Variants in RNF11 observed in about 807,000 individuals in gnomAD.
The protein encoded by RNF11 is ring finger protein 11.
RNF11 carries 4 observed loss-of-function variants against 15.8 expected under a neutral mutation model. The observed-to-expected ratio is 0.25, with a 90% CI of 0.12 to 0.58. RNF11 has a LOEUF of 0.58. Ranked by LOEUF, RNF11 falls within the 20% of genes least tolerant of loss-of-function variation. The pLI is 0.91. For synonymous variants in RNF11, 68 were observed against 72.3 expected (o/e 0.94, Z 0.30); for missense variants, 139 against 194.4 (o/e 0.71, Z 1.70).
chr1:51,237,691 G>A (rs930286257), intron 1 of RNF11, among the ~76,000 whole-genome samples: 6 of 152,172 alleles, frequency 3.9e-5, no homozygotes, highest in African/African-American at 1.4e-4. Context: ...CAGAATTCGA[G>A]TGAAGACCTC....
At chr1:51,249,488 C>T (rs900144383) in intron 1 of RNF11, among the ~76,000 whole-genome samples, 7 of 152,152 alleles carry the variant, frequency 4.6e-5, no homozygotes, top group African/African-American at 1.7e-4. Flanking sequence ...TCCCTCCTGC[C>T]CCCTCCAACA....
At chr1:51,253,498 G>A (rs902942636) in intron 1 of RNF11, among the ~76,000 whole-genome samples, 60 of 150,674 alleles carry the variant, frequency 4.0e-4, no homozygotes, top group African/African-American at 1.4e-3. Context: ...ACTCCAGCCT[G>A]GGCAACCTCA....
chr1:51,247,081 A>G (rs960641906), intron 1 of RNF11, among the ~76,000 whole-genome samples: 4 of 152,166 alleles, frequency 2.6e-5, no homozygotes, highest in East Asian at 1.9e-4. Flanking sequence ...TATTTTTAAC[A>G]TGCTCAGAGT....
At chr1:51,246,467 G>A (rs752132852) in intron 1 of RNF11, among the ~76,000 whole-genome samples, 6 of 152,158 alleles carry the variant, frequency 3.9e-5, no homozygotes, top group Non-Finnish European at 8.8e-5. Context: ...CCCAGCTATA[G>A]GCTGAGGCAG....
At chr1:51,241,551 A>ATT (rs1359427832) in intron 1 of RNF11, among the ~76,000 whole-genome samples, 7 of 152,230 alleles carry the variant, frequency 4.6e-5, no homozygotes, top group South Asian at 2.1e-4. Context: ...CCGTGTATAT[A>ATT]TATCACCGCA....
intron 1 of RNF11, among the ~76,000 whole-genome samples, chr1:51,252,997 T>G (rs1646887926): frequency 1.3e-5 from 2 of 151,962 alleles, no homozygotes; most frequent in Admixed American, 1.3e-4. Flanking sequence ...CTAATTTTTT[T>G]GTAGTTTTAG....
At chr1:51,270,942 C>G (rs1331666045) in intron 2 of RNF11, among the ~76,000 whole-genome samples, 2 of 152,144 alleles carry the variant, frequency 1.3e-5, no homozygotes, top group African/African-American at 2.4e-5. Flanking sequence ...GCTCCTAAGT[C>G]CTGCAAATTC....
rs201435318 is a variant in RNF11, at chr1:51,236,730, C to T, written c.-27C>T. On this transcript the variant is annotated 5_prime_UTR_variant, in exon 1 of 3. Transcript: ENST00000242719. Reference sequence around the variant, plus strand: ...GACCCCACCGCTGCTTTCTCCTCCCCCAGATCACGCACCCCAGCTCCGGAA... The same window carrying T: ...GACCCCACCGCTGCTTTCTCCTCCCTCAGATCACGCACCCCAGCTCCGGAA... The T allele has an allele frequency of 5.0e-4, 807 of 1,608,720 alleles. No individual in the cohort carries two copies. Among genetic ancestry groups the T allele is most frequent in the Non-Finnish European group, 6.6e-4 (777 of 1,177,990 alleles).
Position 51,266,533 on chromosome 1 carries a change from G to A in RNF11, c.124-3423G>A, listed in dbSNP as rs189855403. Among the ~76,000 whole-genome samples the A allele has an allele frequency of 1.1e-3, 169 of 150,930 alleles. 1 individual carries two copies. The highest frequency in any genetic ancestry group is 1.9e-3 in the Non-Finnish European group (130 of 67,844). On this transcript the variant is annotated intron_variant, in intron 1 of 2. Coordinates refer to ENST00000242719, the MANE Select transcript of RNF11 (RefSeq NM_014372.5). ...GTCTGGAGTGTAGTGGTGTGATCTC[G>A]TCTCACTGTAGCTCAACCTCCTGGG...
At position 51,271,247 on chromosome 1, in the gene RNF11, G is replaced by A. The variant is rs1452553960; in HGVS notation, c.390G>A (p.Leu130=). The A allele has an allele frequency of 1.2e-6, 2 of 1,614,138 alleles. No individual in the cohort carries two copies. The highest frequency in any genetic ancestry group is 1.3e-5 in the African/African-American group (1 of 75,036). ...IYHLDCIDDW[L]MRSFTCPSCM... is the part of the protein sequence containing the mutation. ...ACCTGGACTGTATAGATGACTGGTT[G>A]ATGAGATCCTTCACGTGCCCCTCCT... Residue 130 remains leucine (L), a synonymous_variant, in exon 3 of 3, where the codon TTG becomes TTA. Coordinates refer to ENST00000242719, the MANE Select transcript of RNF11 (RefSeq NM_014372.5).
chr1:51,236,929 A>G (rs1569645204), intron 1 of RNF11, 50 bp downstream of exon 1: 2 of 1,563,260 alleles, frequency 1.3e-6, no homozygotes, highest in Non-Finnish European at 1.7e-6. Flanking sequence ...GCTCTGGCGG[A>G]GATTGAGGGG....
intron 1 of RNF11, among the ~76,000 whole-genome samples, chr1:51,244,190 A>T (rs1646842055): frequency 6.6e-6 from 1 of 152,218 alleles, no homozygotes; most frequent in Non-Finnish European, 1.5e-5. Context: ...CAATTTTCAC[A>T]AAGCACGCAC....
intron 1 of RNF11, chr1:51,265,934 C>G (rs1646952772): frequency 6.6e-6 from 1 of 151,452 alleles, no homozygotes. Context: ...TCACTGCAAC[C>G]TCCGCCTCCC....
chr1:51,245,602 C>A (rs1646848189), intron 1 of RNF11, among the ~76,000 whole-genome samples: 1 of 152,096 alleles, frequency 6.6e-6, no homozygotes, highest in Non-Finnish European at 1.5e-5. Flanking sequence ...GAGGCAAGCA[C>A]CACCACACCT....
Position 51,251,703 on chromosome 1 carries a change from C to T in RNF11, c.123+14824C>T, listed in dbSNP as rs781728841. ...CTGTCATCCCACACCTTTGGGAGGC[C>T]GAGGCAGGAGGATCACTTGAACTCA... On this transcript the variant is annotated intron_variant, in intron 1 of 2. Coordinates refer to ENST00000242719, the MANE Select transcript of RNF11 (RefSeq NM_014372.5). Among the ~76,000 whole-genome samples the T allele has an allele frequency of 3.0e-4, 45 of 152,088 alleles. 1 individual carries two copies. The highest frequency in any genetic ancestry group is 7.9e-4 in the Admixed American group (12 of 15,248).
chr1:51,242,769 A>T (rs1646836096), intron 1 of RNF11, among the ~76,000 whole-genome samples: 1 of 152,108 alleles, frequency 6.6e-6, no homozygotes, highest in Non-Finnish European at 1.5e-5. Flanking sequence ...CTGTAATGGT[A>T]TATTAATGCC....
At chr1:51,237,513 C>G (rs1288266104) in intron 1 of RNF11, among the ~76,000 whole-genome samples, 1 of 149,772 alleles carries the variant, frequency 6.7e-6, no homozygotes, top group Non-Finnish European at 1.5e-5. Flanking sequence ...TATGACACAC[C>G]TTTTAAACGT....
chr1:51,240,154 G>C (rs1487074705), intron 1 of RNF11, among the ~76,000 whole-genome samples: 1 of 151,868 alleles, frequency 6.6e-6, no homozygotes, highest in Non-Finnish European at 1.5e-5. Context: ...GTAAAAATCA[G>C]ATTCCTTATA....
intron 1 of RNF11, among the ~76,000 whole-genome samples, chr1:51,255,970 T>C (rs1241890753): frequency 6.6e-6 from 1 of 152,196 alleles, no homozygotes; most frequent in Admixed American, 6.5e-5. Context: ...TCCATGTGAA[T>C]TTTAGGATCA....
Sources: gnomAD v4.1 joint callset for allele counts (sites outside exome capture counted in the v4.1 genomes callset) on GRCh38, gnomAD v4.1.1 for gene constraint, MANE v1.5 for transcripts, NCBI Gene and HGNC (gene_info 2026-07-23, HGNC 2026-07-21) for gene names.